The following PAX5 variants were observed in gnomAD, a reference collection of about 807,000 sequenced individuals.
The protein encoded by PAX5 is paired box protein Pax-5.
PAX5 carries 9 observed loss-of-function variants against 43.7 expected under a neutral mutation model. That is an observed-to-expected ratio of 0.21 (90% CI 0.12 to 0.36). PAX5 has a LOEUF of 0.36. Among genes scored for constraint, PAX5 ranks in the 10% least tolerant of loss-of-function variants. PAX5 has a pLI of 1.00. For missense variants in PAX5, 383 were observed against 532.7 expected (o/e 0.72, Z 2.77); for synonymous variants, 228 against 214.3 (o/e 1.06, Z -0.56).
intron 7 of PAX5, among the ~76,000 whole-genome samples, chr9:36,915,416 T>C (rs1829655657): frequency 6.6e-6 from 1 of 152,236 alleles, no homozygotes; most frequent in African/African-American, 2.4e-5. Context: ...CTCATGATTG[T>C]TTTAATTTAC....
chr9:36,852,885 A>G (rs1823299706), intron 8 of PAX5, among the ~76,000 whole-genome samples: 1 of 152,168 alleles, frequency 6.6e-6, no homozygotes, highest in African/African-American at 2.4e-5. Flanking sequence ...CTATATTCCC[A>G]GACCCCAGGG....
intron 8 of PAX5, among the ~76,000 whole-genome samples, chr9:36,878,387 G>A (rs751663654): frequency 3.3e-5 from 5 of 152,236 alleles, no homozygotes; most frequent in East Asian, 3.8e-4. Context: ...CCTTGAACAC[G>A]TTGGGTCATG....
At chr9:37,011,828 G>A (rs1838954242) in intron 3 of PAX5, among the ~76,000 whole-genome samples, 1 of 152,172 alleles carries the variant, frequency 6.6e-6, no homozygotes, top group African/African-American at 2.4e-5. Context: ...CTCCCCAGCT[G>A]TTTGAAATCA....
intron 6 of PAX5, among the ~76,000 whole-genome samples, chr9:36,927,807 C>T (rs543700797): frequency 6.6e-5 from 10 of 151,976 alleles, no homozygotes; most frequent in African/African-American, 1.2e-4. Flanking sequence ...CCCCCGGGTT[C>T]AAGCGATTCT....
At chr9:37,007,353 A>G (rs1428333208) in intron 3 of PAX5, 2 of 152,224 alleles carry the variant, frequency 1.3e-5, no homozygotes, top group Non-Finnish European at 2.9e-5. Context: ...ATTTTCGGAA[A>G]AGAAAAAAGA....
intron 1 of PAX5, among the ~76,000 whole-genome samples, chr9:37,023,391 T>C (rs536688830): frequency 6.6e-6 from 1 of 152,192 alleles, no homozygotes; most frequent in South Asian, 2.1e-4. Flanking sequence ...AGCCTGTACT[T>C]CCTATGGACT....
chr9:36,894,289 T>G (rs1283073409), intron 7 of PAX5, among the ~76,000 whole-genome samples: 3 of 152,214 alleles, frequency 2.0e-5, no homozygotes, highest in African/African-American at 7.2e-5. Context: ...GGGTAGGAGC[T>G]GCTAATTCAG....
chr9:36,914,986 A>G (rs754401293), intron 7 of PAX5, among the ~76,000 whole-genome samples: 6 of 152,212 alleles, frequency 3.9e-5, no homozygotes, highest in Non-Finnish European at 7.3e-5. Context: ...AGATAGTTCT[A>G]TTTAATTCTT....
chr9:36,956,523 A>G (rs1409198724), intron 6 of PAX5, among the ~76,000 whole-genome samples: 2 of 152,168 alleles, frequency 1.3e-5, no homozygotes, highest in Non-Finnish European at 2.9e-5. Flanking sequence ...CTAGCCTAAG[A>G]GCCATCACTA....
In PAX5 at chr9:36,893,266, G is replaced by T. The variant is rs116137601; in HGVS notation, c.911-11161C>A. 6.5e-3 allele frequency among the ~76,000 whole-genome samples: 988 copies of T among 152,322 alleles called. 11 individuals carry two copies. The highest frequency in any genetic ancestry group is 0.023 in the African/African-American group (953 of 41,556). ...CGCTCTCAGGCCAGTGTCATGGCAGGAACTTCTCGCGTTCAAGGACAGCAT... is the reference window on the plus strand; with the variant it reads ...CGCTCTCAGGCCAGTGTCATGGCAGTAACTTCTCGCGTTCAAGGACAGCAT... On this transcript the variant is annotated intron_variant, in intron 7 of 9. Transcript: ENST00000358127.
intron 7 of PAX5, among the ~76,000 whole-genome samples, chr9:36,892,687 CA>C (rs1827505563): frequency 6.6e-6 from 1 of 152,164 alleles, no homozygotes; most frequent in Admixed American, 6.5e-5. Context: ...AAAAATACAC[CA>C]AGATATTTCA....
intron 7 of PAX5, among the ~76,000 whole-genome samples, chr9:36,919,337 C>A (rs1416830778): frequency 6.6e-6 from 1 of 152,128 alleles, no homozygotes; most frequent in Non-Finnish European, 1.5e-5. Flanking sequence ...TGGAGATGTA[C>A]AAGGAGATGA....
At chr9:36,864,851 G>C (rs142572018) in intron 8 of PAX5, among the ~76,000 whole-genome samples, 156 of 152,312 alleles carry the variant, frequency 1.0e-3, no homozygotes, top group African/African-American at 3.6e-3. Context: ...GGGCTGTCAG[G>C]GCCTTCACAG....
At chr9:36,914,088 C>A (rs1391815725) in intron 7 of PAX5, among the ~76,000 whole-genome samples, 3 of 152,206 alleles carry the variant, frequency 2.0e-5, no homozygotes, top group African/African-American at 7.2e-5. Context: ...CTTCTCCCTG[C>A]CTGAGGGGTG....
At chr9:36,987,872 GGTTCTTAACTGATAAAAT>G (rs1270820623) in intron 5 of PAX5, among the ~76,000 whole-genome samples, 2 of 152,234 alleles carry the variant, frequency 1.3e-5, no homozygotes, top group African/African-American at 4.8e-5. Context: ...GAGGTACGCA[GGTTCTTAACTGATAAAAT>G]GTGCCAGCAG....
intron 5 of PAX5, among the ~76,000 whole-genome samples, chr9:36,982,872 C>A (rs372368195): frequency 6.6e-6 from 1 of 151,492 alleles, no homozygotes. Flanking sequence ...AGAAAGATAC[C>A]CTAGAGAGAA....
At chr9:36,925,095 C>T (rs1195466527) in intron 6 of PAX5, among the ~76,000 whole-genome samples, 2 of 152,056 alleles carry the variant, frequency 1.3e-5, no homozygotes, top group African/African-American at 2.4e-5. Flanking sequence ...CACTGGGTGG[C>T]AGGCAGAAGG....
At chr9:36,973,353 G>A (rs1351674610) in intron 5 of PAX5, among the ~76,000 whole-genome samples, 3 of 152,126 alleles carry the variant, frequency 2.0e-5, no homozygotes, top group African/African-American at 7.2e-5. Context: ...TGTGAAGATG[G>A]GGGACAGAGC....
In PAX5 at chr9:37,033,015, G is replaced by A. The variant is rs528000841; in HGVS notation, c.46+971C>T. On this transcript the variant is annotated intron_variant, in intron 1 of 9. Coordinates refer to ENST00000358127, the MANE Select transcript of PAX5 (RefSeq NM_016734.3). ...GGACACAGTGTGTGTGTGTCTGTGT[G>A]TACACACAAATACACACGCCAGTGT... 2.4e-4 allele frequency among the ~76,000 whole-genome samples: 37 copies of A among 152,368 alleles called. 1 individual carries two copies. In the South Asian group the frequency reaches 7.5e-3, roughly 31 times the overall value.
Sources: allele counts gnomAD v4.1 joint callset (sites outside exome capture counted in the v4.1 genomes callset), GRCh38; gene constraint gnomAD v4.1.1; transcripts MANE v1.5; gene names NCBI Gene and HGNC (gene_info 2026-07-23, HGNC 2026-07-21).